The following COL4A4 variants were observed in gnomAD, a reference collection of about 807,000 sequenced individuals.
COL4A4 encodes the protein collagen alpha-4(IV) chain.
In COL4A4, 105 loss-of-function variants were observed where a neutral mutation model predicts 192.9. That is an observed-to-expected ratio of 0.54 (90% CI 0.46 to 0.64). The LOEUF is 0.64. Among genes scored for constraint, COL4A4 ranks in the 30% least tolerant of loss-of-function variants. The pLI, the probability that COL4A4 is intolerant of heterozygous loss-of-function variation, is 0.00. For missense variants in COL4A4, 1,967 were observed against 2,169.3 expected (o/e 0.91, Z 1.85); for synonymous variants, 762 against 769.9 (o/e 0.99, Z 0.17).
intron 24 of COL4A4, 96 bp from the exon 25 acceptor site, chr2:227,078,173 T>C (rs2059134932): frequency 8.2e-7 from 1 of 1,225,196 alleles, no homozygotes; most frequent in African/African-American, 1.5e-5. Context: ...CAAAAGTCCA[T>C]AATTTCAGGA....
At chr2:227,085,751 C>A (rs903000415) in intron 22 of COL4A4, among the ~76,000 whole-genome samples, 4 of 152,148 alleles carry the variant, frequency 2.6e-5, no homozygotes, top group Non-Finnish European at 4.4e-5. Flanking sequence ...CTAAGCCATT[C>A]GTGAGGGATC....
At chr2:227,036,215 G>A (rs1340820959) in intron 37 of COL4A4, among the ~76,000 whole-genome samples, 1 of 152,194 alleles carries the variant, frequency 6.6e-6, no homozygotes, top group African/African-American at 2.4e-5. Flanking sequence ...TCTCTAGTCA[G>A]TGAATGTAAC....
intron 25 of COL4A4, among the ~76,000 whole-genome samples, chr2:227,072,606 C>A (rs1303466419): frequency 6.6e-6 from 1 of 151,784 alleles, no homozygotes; most frequent in Non-Finnish European, 1.5e-5. Context: ...CACACACACA[C>A]ACAAACTACA....
chr2:227,026,858 A>G (rs963921998), intron 42 of COL4A4, among the ~76,000 whole-genome samples: 2 of 152,244 alleles, frequency 1.3e-5, no homozygotes, highest in African/African-American at 4.8e-5. Context: ...AGGAAAATCA[A>G]TGAAAATTCA....
chr2:227,081,872 A>G (rs2059345266), intron 23 of COL4A4, among the ~76,000 whole-genome samples: 1 of 152,232 alleles, frequency 6.6e-6, no homozygotes, highest in South Asian at 2.1e-4. Flanking sequence ...GCCAAACTCA[A>G]GTTCACTATA....
intron 3 of COL4A4, among the ~76,000 whole-genome samples, chr2:227,143,000 T>TCACA (rs371177118): frequency 6.3e-5 from 9 of 143,938 alleles, no homozygotes; most frequent in African/African-American, 2.2e-4. Flanking sequence ...ATGACCTCAT[T>TCACA]CACACACACA....
At chr2:227,089,614 C>T (rs6747052) in intron 21 of COL4A4, among the ~76,000 whole-genome samples, 1,382 of 81,922 alleles carry the variant, frequency 0.017, 3 homozygotes, top group Non-Finnish European at 0.024. Context: ...TATATACATA[C>T]ATATATATAA....
At position 227,032,225 on chromosome 2, in the gene COL4A4, C is replaced by G; in HGVS notation, c.3629G>C (p.Gly1210Ala). The G allele has an allele frequency of 1.9e-6, 3 of 1,614,074 alleles. No individual in the cohort carries two copies. Among genetic ancestry groups the G allele is most frequent in the Non-Finnish European group, 2.5e-6 (3 of 1,179,954 alleles). The change falls in exon 39 of 48, where the codon GGG becomes GCG. Residue 1210 changes from glycine to alanine, a missense_variant. Gly to Ala is a moderately conservative substitution (Grantham distance 60). Coordinates refer to ENST00000396625, the MANE Select transcript of COL4A4 (RefSeq NM_000092.5). Reference protein sequence around the residue: ...PGPVGIPGLKGERGDPGSPGI... With the variant: ...PGPVGIPGLKAERGDPGSPGI... ...TGGGCTCCCAGGGTCTCCTCTCTCC[C>G]CTTTTAGCCCAGGTATTCCCACTGG...
chr2:227,102,516 T>G (rs1201839139), intron 15 of COL4A4, among the ~76,000 whole-genome samples: 5 of 152,222 alleles, frequency 3.3e-5, no homozygotes, highest in Non-Finnish European at 7.3e-5. Flanking sequence ...CAAGCTACTT[T>G]CCTACTGGCA....
At chr2:227,116,495 T>C (rs2061499477) in intron 7 of COL4A4, among the ~76,000 whole-genome samples, 1 of 152,206 alleles carries the variant, frequency 6.6e-6, no homozygotes, top group Non-Finnish European at 1.5e-5. Context: ...CTTGCCTCCT[T>C]ATCTCCCAGC....
rs751075950 is a variant in COL4A4, at chr2:227,007,400, T to A, written c.4998A>T (p.Ala1666=). 6.2e-7 allele frequency: 1 copy of A among 1,614,256 alleles called. No individual in the cohort carries two copies. Among genetic ancestry groups the A allele is most frequent in the East Asian group, 2.2e-5 (1 of 44,886 alleles). ...CCTGGCTTTCTTTTAAGGTGTCTGG[T>A]GCTGGAGCAGAGGAAAACTGCAAGT... ...KADLQFSSAP[A]PDTLKESQAQ... Residue 1666 remains alanine (A), a synonymous_variant, in exon 48 of 48, where the codon GCA becomes GCT. Coordinates refer to ENST00000396625, the MANE Select transcript of COL4A4 (RefSeq NM_000092.5).
At chr2:227,094,409 G>A (rs2060099637) in intron 19 of COL4A4, 120 bp from the exon 20 acceptor site, 1 of 936,544 alleles carries the variant, frequency 1.1e-6, no homozygotes, top group South Asian at 1.5e-5. Flanking sequence ...GAAAGAGACG[G>A]AGCTGGAGGT....
intron 25 of COL4A4, among the ~76,000 whole-genome samples, chr2:227,064,354 C>A (rs2058164280): frequency 6.6e-6 from 1 of 151,744 alleles, no homozygotes; most frequent in Non-Finnish European, 1.5e-5. Context: ...CCCAATCAGA[C>A]AAAAATAAGA....
intron 20 of COL4A4, 120 bp downstream of exon 20, chr2:227,094,005 A>T: frequency 1.1e-6 from 1 of 931,884 alleles, no homozygotes; most frequent in Non-Finnish European, 1.6e-6. Context: ...AAGACAACCA[A>T]CTTAGCTCAT....
rs941647453 is a variant in COL4A4 at position 227,026,448 on chromosome 2, G to A, written c.4082-638C>T. Among the ~76,000 whole-genome samples the A allele has an allele frequency of 5.3e-5, 8 of 150,124 alleles. No individual in the cohort carries two copies. In the South Asian group the frequency reaches 6.3e-4, roughly 12 times the overall value. ...CGGGAGGTGGAGCTTGCAGTGAGCC[G>A]AGATCGCACCACTGCACTCCAGCCT... is the stretch of plus-strand genomic sequence containing the variant. On this transcript the variant is annotated intron_variant, in intron 42 of 47. Coordinates refer to ENST00000396625, the MANE Select transcript of COL4A4 (RefSeq NM_000092.5).
intron 44 of COL4A4, among the ~76,000 whole-genome samples, chr2:227,013,240 T>G (rs1964177121): frequency 6.6e-6 from 1 of 152,162 alleles, no homozygotes; most frequent in African/African-American, 2.4e-5. Context: ...TCTCCAGGTT[T>G]CCAGTCTCTA....
intron 37 of COL4A4, among the ~76,000 whole-genome samples, chr2:227,037,086 TATG>T (rs956224566): frequency 6.6e-6 from 1 of 152,136 alleles, no homozygotes; most frequent in Non-Finnish European, 1.5e-5. Context: ...CAAGCCATTT[TATG>T]ATGATGATGA....
At chr2:226,995,797 A>C in the COL4A4 span, 1 of 445,036 alleles carries the variant, frequency 2.2e-6, no homozygotes, top group Non-Finnish European at 4.0e-6. Context: ...CTCACTGCTG[A>C]CTCAGCGATG....
chr2:227,028,920 A>G (rs1199568427), intron 41 of COL4A4, among the ~76,000 whole-genome samples: 3 of 152,132 alleles, frequency 2.0e-5, no homozygotes, highest in African/African-American at 7.2e-5. Context: ...TTGGCCTCCC[A>G]AAGTGTTGGG....
Sources: gnomAD v4.1 joint callset for allele counts (sites outside exome capture counted in the v4.1 genomes callset) on GRCh38, gnomAD v4.1.1 for gene constraint, MANE v1.5 for transcripts, NCBI Gene and HGNC (gene_info 2026-07-23, HGNC 2026-07-21) for gene names.